The following STOX2 variants were observed in gnomAD, a reference collection of about 807,000 sequenced individuals.
STOX2 encodes the protein storkhead box 2, also known as storkhead-box protein 2.
In STOX2, 28 loss-of-function variants were observed where a neutral mutation model predicts 60.9. The observed-to-expected ratio is 0.46, with a 90% CI of 0.34 to 0.63. The LOEUF (loss-of-function observed/expected upper bound fraction) is 0.63, where lower values mean the gene tolerates loss of function less well. Ranked by LOEUF, STOX2 falls within the 30% of genes least tolerant of loss-of-function variation. The pLI is 0.01. For missense variants in STOX2, 1,024 were observed against 1,187.7 expected (o/e 0.86, Z 2.03); for synonymous variants, 472 against 463.9 (o/e 1.02, Z -0.22).
intron 1 of STOX2, among the ~76,000 whole-genome samples, chr4:183,924,326 A>G (rs1742180588): frequency 6.6e-6 from 1 of 152,138 alleles, no homozygotes; most frequent in South Asian, 2.1e-4. Flanking sequence ...GAGGGTGATG[A>G]TGGGGGCTGA....
intron 1 of STOX2, among the ~76,000 whole-genome samples, chr4:183,986,401 C>T (rs1327297272): frequency 6.6e-6 from 1 of 152,184 alleles, no homozygotes; most frequent in Non-Finnish European, 1.5e-5. Context: ...GAGGACTCAG[C>T]AGGAGGATGC....
intron 1 of STOX2, among the ~76,000 whole-genome samples, chr4:183,889,561 A>C (rs1308007129): frequency 2.0e-5 from 3 of 152,254 alleles, no homozygotes; most frequent in African/African-American, 7.2e-5. Context: ...AATCACCTTC[A>C]ACAAACAGAC....
intron 1 of STOX2, among the ~76,000 whole-genome samples, chr4:183,948,628 T>C (rs1382378047): frequency 1.5e-5 from 2 of 130,982 alleles, no homozygotes; most frequent in Admixed American, 1.9e-4. Context: ...GCCTCCCGGG[T>C]TCAAGCGATT....
intron 1 of STOX2, among the ~76,000 whole-genome samples, chr4:183,997,995 A>G (rs571219485): frequency 1.3e-5 from 2 of 152,356 alleles, no homozygotes; most frequent in Admixed American, 6.5e-5. Context: ...AAGGACAAGC[A>G]TGACCTAAAC....
rs545575715 is a variant in STOX2 at position 183,808,905 on chromosome 4, CA to C, written c.364+10858del. On this transcript the variant is annotated intron_variant, in intron 1 of 2. Coordinates refer to the STOX2 transcript ENST00000513034. ...GTAGCTGATGAGCTAAAAAAAATGG[CA>C]AAAAAAATCTCATACTGTTTTAAGA... Among the ~76,000 whole-genome samples, 14 of 151,778 alleles carry C rather than the reference CA, an allele frequency of 9.2e-5. No individual in the cohort carries two copies. In the South Asian group the frequency reaches 1.0e-3, roughly 11 times the overall value.
At chr4:183,866,192 C>A (rs1444452114) in intron 1 of STOX2, among the ~76,000 whole-genome samples, 1 of 152,050 alleles carries the variant, frequency 6.6e-6, no homozygotes, top group Non-Finnish European at 1.5e-5. Context: ...CTTCAAGTGG[C>A]CACCCCTCTG....
chr4:183,819,033 T>C (rs62340385), intron 1 of STOX2, among the ~76,000 whole-genome samples: 5 of 148,894 alleles, frequency 3.4e-5, no homozygotes, highest in Non-Finnish European at 7.4e-5. Flanking sequence ...GGATGGCGGC[T>C]GGGCAGAGAC....
Position 184,017,198 on chromosome 4 carries a change from C to A in STOX2, c.2695C>A (p.Arg899=). ...TGGAGCTGGTCCAGCCTTCAACTTC[C>A]GAGCGAGCGCGGAGCCCCCGACAAA... is the stretch of plus-strand genomic sequence containing the variant. ...HGGAGPAFNF[R]ASAEPPTNEA... Residue 899 remains arginine (R), a synonymous_variant, in exon 4 of 4, where the codon CGA becomes AGA. Transcript: ENST00000308497. 1.2e-6 allele frequency: 2 copies of A among 1,612,716 alleles called. No individual in the cohort carries two copies. The highest frequency in any genetic ancestry group is 1.1e-5 in the South Asian group (1 of 90,664).
At chr4:183,911,487 G>A (rs940870615) in intron 1 of STOX2, among the ~76,000 whole-genome samples, 3 of 152,210 alleles carry the variant, frequency 2.0e-5, no homozygotes, top group African/African-American at 7.2e-5. Flanking sequence ...GCGAGTGGAA[G>A]TGAGGAATAT....
chr4:183,984,999 G>A (rs1300209921), intron 1 of STOX2, among the ~76,000 whole-genome samples: 2 of 152,120 alleles, frequency 1.3e-5, no homozygotes. Flanking sequence ...GAAACCCACC[G>A]TACTCTCGGT....
intron 1 of STOX2, among the ~76,000 whole-genome samples, chr4:183,995,723 G>A (rs540913848): frequency 1.3e-5 from 2 of 152,316 alleles, no homozygotes; most frequent in African/African-American, 4.8e-5. Flanking sequence ...CAGGGGCAGT[G>A]CCTCGTCACC....
intron 1 of STOX2, among the ~76,000 whole-genome samples, chr4:183,962,068 A>C (rs1009055697): frequency 6.6e-6 from 1 of 152,186 alleles, no homozygotes; most frequent in Admixed American, 6.5e-5. Flanking sequence ...TGTTACCTTC[A>C]TTTCTCTGGC....
chr4:183,961,192 C>T (rs1743401512), intron 1 of STOX2, among the ~76,000 whole-genome samples: 2 of 152,166 alleles, frequency 1.3e-5, no homozygotes, highest in African/African-American at 2.4e-5. Context: ...CTATCTGGTT[C>T]ATCGTGTCAC....
intron 1 of STOX2, among the ~76,000 whole-genome samples, chr4:183,979,730 G>C (rs1430887230): frequency 2.6e-5 from 4 of 152,030 alleles, no homozygotes; most frequent in South Asian, 2.1e-4. Flanking sequence ...TCTGCCCTAA[G>C]TTCTTCTAAT....
chr4:183,935,211 G>T (rs544887329), intron 1 of STOX2, among the ~76,000 whole-genome samples: 4 of 152,228 alleles, frequency 2.6e-5, no homozygotes, highest in African/African-American at 9.6e-5. Context: ...GCTCAGGAGC[G>T]TGCATTCTGG....
rs192776991 is a variant in STOX2 at position 183,948,704 on chromosome 4, G to A, written c.166+41748G>A. On this transcript the variant is annotated intron_variant, in intron 1 of 3. Transcript: ENST00000308497. ...CCACCACCACACCTGGCTAATTTTT[G>A]TACTTTTAGTAGAGATGGGCTTTCA... Among the ~76,000 whole-genome samples the A allele has an allele frequency of 1.1e-3, 171 of 151,970 alleles. 1 individual carries two copies. Among genetic ancestry groups the A allele is most frequent in the African/African-American group, 3.8e-3 (159 of 41,454 alleles).
chr4:184,021,695 A>C lies in STOX2; in HGVS notation c.*4411A>C, dbSNP rs187359651. ...AGAAATTTTAATTAAAAACTTTATC[A>C]AGTACTCTTCACAGTGCTGCTTGGC... On this transcript the variant is annotated 3_prime_UTR_variant, in exon 4 of 4. Transcript: ENST00000308497. The C allele has an allele frequency of 3.3e-5, 5 of 152,360 alleles. No homozygotes were observed. Among genetic ancestry groups the C allele is most frequent in the Admixed American group, 3.3e-4 (5 of 15,306 alleles). The allele number at this position is 152,360 out of a possible 1,614,324, so 9.4% of individuals were successfully genotyped here.
chr4:183,843,166 AAAAG>A (rs1739907853), intron 1 of STOX2, among the ~76,000 whole-genome samples: 1 of 151,054 alleles, frequency 6.6e-6, no homozygotes, highest in Non-Finnish European at 1.5e-5. Context: ...AAAAAAAAGA[AAAAG>A]AAAAAGAAAA....
intron 1 of STOX2, among the ~76,000 whole-genome samples, chr4:183,832,936 A>G (rs1001983705): frequency 6.6e-6 from 1 of 152,142 alleles, no homozygotes; most frequent in Non-Finnish European, 1.5e-5. Flanking sequence ...CTGCAGACCA[A>G]ACACTACAGA....
Sources: gnomAD v4.1 joint callset for allele counts (sites outside exome capture counted in the v4.1 genomes callset) on GRCh38, gnomAD v4.1.1 for gene constraint, MANE v1.5 for transcripts, NCBI Gene and HGNC (gene_info 2026-07-23, HGNC 2026-07-21) for gene names.